EFR3A: variants seen among roughly 807,000 people sequenced by gnomAD.
EFR3A encodes the protein EFR3 homolog A.
A neutral mutation model predicts 104.4 loss-of-function variants in EFR3A; 76 were observed. That is an observed-to-expected ratio of 0.73 (90% CI 0.60 to 0.88). The LOEUF is 0.88. Ranked by LOEUF, EFR3A falls within the 40% of genes least tolerant of loss-of-function variation. The probability of loss-of-function intolerance (pLI) is 0.00; values close to 1 mark genes in which losing one functional copy is unlikely to be tolerated. For missense variants in EFR3A, 985 were observed against 1,012.5 expected (o/e 0.97, Z 0.37); for synonymous variants, 330 against 330.0 (o/e 1.00, Z 0.00).
At chr8:131,934,247 G>A (rs141786080) in intron 1 of EFR3A, among the ~76,000 whole-genome samples, 108 of 152,020 alleles carry the variant, frequency 7.1e-4, no homozygotes, top group African/African-American at 2.5e-3. Context: ...CCCATGTGCC[G>A]TCCTGCCTAG....
intron 1 of EFR3A, among the ~76,000 whole-genome samples, chr8:131,915,880 A>T (rs1456436007): frequency 6.6e-6 from 1 of 152,160 alleles, no homozygotes; most frequent in East Asian, 1.9e-4. Context: ...TCACATATTT[A>T]TTGAATGCTA....
chr8:131,961,662 C>A (rs1002019232), intron 8 of EFR3A, among the ~76,000 whole-genome samples: 2 of 152,122 alleles, frequency 1.3e-5, no homozygotes, highest in African/African-American at 4.8e-5. Flanking sequence ...AGAACTTCCC[C>A]AATCTAGCAA....
In EFR3A at chr8:131,953,862, A is replaced by G; in HGVS notation, c.533A>G (p.Lys178Arg). The change falls in exon 6 of 23, where the codon AAA becomes AGA. Residue 178 changes from lysine (K) to arginine (R), a missense_variant. By Grantham distance (26) the Lys-to-Arg change is conservative. Coordinates refer to ENST00000254624, the MANE Select transcript of EFR3A (RefSeq NM_015137.6). ...AGAGGTATTCAAGGTGTGGTTCGCAAAACAGTCAACGATGAACTTCGGGCC... is the reference window on the plus strand; with the variant it reads ...AGAGGTATTCAAGGTGTGGTTCGCAGAACAGTCAACGATGAACTTCGGGCC... ...GIRGIQGVVR[K>R]TVNDELRATI... 1 of 1,571,092 alleles carries G rather than the reference A, an allele frequency of 6.4e-7. No homozygotes were observed. The highest frequency in any genetic ancestry group is 1.2e-5 in the South Asian group (1 of 85,560).
chr8:131,969,356 A>G (rs1258299327), intron 9 of EFR3A, among the ~76,000 whole-genome samples: 3 of 152,082 alleles, frequency 2.0e-5, no homozygotes, highest in Non-Finnish European at 2.9e-5. Flanking sequence ...AGAATACCTA[A>G]CTCTGCAGGT....
At chr8:131,991,377 A>G (rs1821173930) in intron 18 of EFR3A, among the ~76,000 whole-genome samples, 1 of 151,914 alleles carries the variant, frequency 6.6e-6, no homozygotes, top group South Asian at 2.1e-4. Context: ...GAAGAAGGAA[A>G]GAAGTACATA....
intron 1 of EFR3A, among the ~76,000 whole-genome samples, chr8:131,920,549 A>G (rs921019895): frequency 2.0e-5 from 3 of 152,196 alleles, no homozygotes; most frequent in African/African-American, 4.8e-5. Flanking sequence ...CTCAAGCAGG[A>G]TGTCGCTTCC....
At chr8:131,974,571 G>T (rs987671068) in intron 10 of EFR3A, among the ~76,000 whole-genome samples, 1 of 152,110 alleles carries the variant, frequency 6.6e-6, no homozygotes, top group Non-Finnish European at 1.5e-5. Context: ...TAATTTTTTG[G>T]TAAGAGTTCT....
chr8:131,986,522 G>A (rs1363851979), intron 17 of EFR3A, among the ~76,000 whole-genome samples: 1 of 152,030 alleles, frequency 6.6e-6, no homozygotes, highest in Non-Finnish European at 1.5e-5. Flanking sequence ...AGTGGTTCAC[G>A]CCTGTAATCC....
At chr8:131,955,434 T>C (rs1331582254) in intron 6 of EFR3A, among the ~76,000 whole-genome samples, 2 of 152,144 alleles carry the variant, frequency 1.3e-5, no homozygotes, top group African/African-American at 4.8e-5. Context: ...TACCTAAAGA[T>C]GGTCTCTGGG....
chr8:131,973,702 CACTTT>C (rs749873847), intron 10 of EFR3A, among the ~76,000 whole-genome samples: 6 of 152,078 alleles, frequency 3.9e-5, no homozygotes, highest in Non-Finnish European at 5.9e-5. Flanking sequence ...ATAGCTTTTG[CACTTT>C]AAGTTATCAG....
chr8:131,934,137 C>G (rs1817753545), intron 1 of EFR3A, among the ~76,000 whole-genome samples: 1 of 152,064 alleles, frequency 6.6e-6, no homozygotes, highest in South Asian at 2.1e-4. Flanking sequence ...TATTTTGTTC[C>G]TTTCTTTTGA....
intron 1 of EFR3A, among the ~76,000 whole-genome samples, chr8:131,932,829 TG>T (rs1817677762): frequency 1.3e-5 from 2 of 152,130 alleles, no homozygotes; most frequent in African/African-American, 4.8e-5. Flanking sequence ...AACATGTTAG[TG>T]CTTAGTACTA....
chr8:131,946,348 A>G (rs1818440172), intron 3 of EFR3A, 135 bp from the exon 4 acceptor site: 3 of 741,538 alleles, frequency 4.0e-6, no homozygotes, highest in Admixed American at 7.8e-5. Context: ...TTAAGATTTT[A>G]CTTAGGAGTT....
At chr8:131,965,218 G>A (rs1323105948) in intron 8 of EFR3A, among the ~76,000 whole-genome samples, 2 of 152,100 alleles carry the variant, frequency 1.3e-5, no homozygotes, top group Non-Finnish European at 2.9e-5. Context: ...TGACAAATGG[G>A]ATCTAATTAA....
intron 1 of EFR3A, among the ~76,000 whole-genome samples, chr8:131,926,197 T>A (rs1270261458): frequency 6.6e-6 from 1 of 152,166 alleles, no homozygotes; most frequent in Non-Finnish European, 1.5e-5. Flanking sequence ...CAAAGGCTAA[T>A]TCATTGATCA....
At chr8:131,963,688 A>G (rs1201751559) in intron 8 of EFR3A, among the ~76,000 whole-genome samples, 2 of 152,238 alleles carry the variant, frequency 1.3e-5, no homozygotes, top group Non-Finnish European at 2.9e-5. Flanking sequence ...TCCAATCAAT[A>G]GAAAAAGAGG....
Position 132,011,165 on chromosome 8 carries a change from A to G in EFR3A, c.*270A>G, listed in dbSNP as rs868051205. On this transcript the variant is annotated 3_prime_UTR_variant, in exon 23 of 23. Transcript: ENST00000254624. The stretch of plus-strand genomic sequence containing the variant: ...ACATGTTTTGGTTTCACTTTATTCC[A>G]CTGTTAAGTAGTATGTTTTAAACTT... 4.3e-5 allele frequency: 48 copies of G among 1,116,434 alleles called. 1 individual carries two copies. In the African/African-American group the frequency reaches 7.5e-4, roughly 17 times the overall value. The allele number at this position is 1,116,434 out of a possible 1,614,324, so 69.2% of individuals were successfully genotyped here.
chr8:131,942,392 G>A (rs549575571), intron 2 of EFR3A, among the ~76,000 whole-genome samples: 16 of 152,210 alleles, frequency 1.1e-4, no homozygotes, highest in Admixed American at 9.8e-4. Flanking sequence ...AAATGCAGAA[G>A]CAGATGTCAT....
At chr8:131,968,488 A>G in intron 9 of EFR3A, 58 bp downstream of exon 9, 2 of 1,534,470 alleles carry the variant, frequency 1.3e-6, no homozygotes, top group South Asian at 1.1e-5. Flanking sequence ...GTGTCCTTTC[A>G]GTATGCATAG....
Sources: allele counts gnomAD v4.1 joint callset (sites outside exome capture counted in the v4.1 genomes callset), GRCh38; gene constraint gnomAD v4.1.1; transcripts MANE v1.5; gene names NCBI Gene and HGNC (gene_info 2026-07-23, HGNC 2026-07-21).